The following IL1RAPL1 variants were observed in gnomAD, a reference collection of about 807,000 sequenced individuals.
The protein encoded by IL1RAPL1 is interleukin-1 receptor accessory protein-like 1.
In IL1RAPL1, 3 loss-of-function variants were observed where a neutral mutation model predicts 48.4. That is an observed-to-expected ratio of 0.06 (90% CI 0.03 to 0.16). The LOEUF is 0.16. IL1RAPL1 is among the 10% of genes least tolerant of loss of function. The pLI is 1.00. For missense variants in IL1RAPL1, 349 were observed against 530.6 expected (o/e 0.66, Z 3.36); for synonymous variants, 185 against 187.7 (o/e 0.99, Z 0.12).
chrX:29,321,788 C>T (rs764781404), intron 3 of IL1RAPL1, among the ~76,000 whole-genome samples: 13 of 111,181 alleles, frequency 1.2e-4, no homozygotes, highest in African/African-American at 1.6e-4. Context: ...ATTTTAGGGA[C>T]GCTTGCAGAA....
intron 1 of IL1RAPL1, among the ~76,000 whole-genome samples, chrX:28,682,314 G>GT (rs1935070042): frequency 9.2e-6 from 1 of 108,850 alleles, no homozygotes; most frequent in Non-Finnish European, 1.9e-5. Context: ...TTGTTTTTTT[G>GT]TTTTTTGTTT....
chrX:29,453,116 G>C (rs1602241994), intron 5 of IL1RAPL1, among the ~76,000 whole-genome samples: 1 of 108,159 alleles, frequency 9.2e-6, no homozygotes, highest in East Asian at 2.9e-4. Context: ...GTAGAGACAG[G>C]GTTTCACCAT....
chrX:29,247,439 T>TA (rs779667459), intron 2 of IL1RAPL1, among the ~76,000 whole-genome samples: 207 of 102,000 alleles, frequency 2.0e-3, no homozygotes, highest in Middle Eastern at 5.0e-3. Flanking sequence ...GACAGAGAAA[T>TA]AAAAAAAAAA....
rs766281719 is a variant in IL1RAPL1 at position 28,890,713 on chromosome X, A to C, written c.82+101288A>C. Among the ~76,000 whole-genome samples, 3 of 111,937 alleles carry C rather than the reference A, an allele frequency of 2.7e-5. No individual in the cohort carries two copies. The South Asian group carries it at 1.1e-3, about 41-fold the overall frequency. ...ACAGAACCATTTTAGTTATTTTATA[A>C]TAAAGTCCCTCATAGGAGATATTAG... On this transcript the variant is annotated intron_variant, in intron 2 of 10. Coordinates refer to ENST00000378993, the MANE Select transcript of IL1RAPL1 (RefSeq NM_014271.4).
chrX:28,953,666 T>C (rs1183114187), intron 2 of IL1RAPL1, among the ~76,000 whole-genome samples: 1 of 111,337 alleles, frequency 9.0e-6, no homozygotes, highest in Admixed American at 9.6e-5. Flanking sequence ...GTCTAAACTT[T>C]TTAGTACTCA....
chrX:28,851,583 A>C (rs1921664273), intron 2 of IL1RAPL1, among the ~76,000 whole-genome samples: 2 of 111,881 alleles, frequency 1.8e-5, no homozygotes, highest in South Asian at 7.5e-4. Flanking sequence ...AATCTGGAGA[A>C]TCTCTGAGCA....
chrX:29,710,120 ACTT>A (rs1927299252), intron 6 of IL1RAPL1, among the ~76,000 whole-genome samples: 1 of 111,260 alleles, frequency 9.0e-6, no homozygotes, highest in South Asian at 3.7e-4. Flanking sequence ...AGACTATTTC[ACTT>A]CTTCTGTTCT....
chrX:28,786,766 A>G (rs1349065580), intron 1 of IL1RAPL1, among the ~76,000 whole-genome samples: 1 of 112,035 alleles, frequency 8.9e-6, no homozygotes, highest in African/African-American at 3.2e-5. Context: ...TTTCAGGTCC[A>G]TTTATCCAGA....
chrX:28,626,659 C>T (rs1450271203), intron 1 of IL1RAPL1, among the ~76,000 whole-genome samples: 1 of 112,352 alleles, frequency 8.9e-6, no homozygotes, highest in Non-Finnish European at 1.9e-5. Context: ...TACTTTCCCC[C>T]TTGGGAAGGA....
At chrX:29,013,988 A>T (rs1332762341) in intron 2 of IL1RAPL1, among the ~76,000 whole-genome samples, 1 of 111,989 alleles carries the variant, frequency 8.9e-6, no homozygotes, top group Non-Finnish European at 1.9e-5. Context: ...AAAGAACAAT[A>T]ACAGCTGCTT....
chrX:29,628,396 G>A (rs925738647), intron 5 of IL1RAPL1, among the ~76,000 whole-genome samples: 2 of 111,802 alleles, frequency 1.8e-5, no homozygotes, highest in Non-Finnish European at 3.8e-5. Flanking sequence ...ATAACTGCTG[G>A]TATTATTGAT....
intron 3 of IL1RAPL1, among the ~76,000 whole-genome samples, chrX:29,375,314 G>A (rs1350155772): frequency 5.6e-5 from 6 of 108,107 alleles, no homozygotes; most frequent in East Asian, 2.9e-4. Flanking sequence ...GGCACCCGCC[G>A]CCATGCCTGG....
intron 2 of IL1RAPL1, among the ~76,000 whole-genome samples, chrX:29,110,615 G>C (rs1183337415): frequency 3.6e-5 from 4 of 111,782 alleles, no homozygotes; most frequent in Non-Finnish European, 5.6e-5. Context: ...TGCGAAAATT[G>C]TAATGCTGAG....
chrX:28,820,211 G>C (rs917255583), intron 2 of IL1RAPL1, among the ~76,000 whole-genome samples: 1 of 107,511 alleles, frequency 9.3e-6, no homozygotes, highest in Non-Finnish European at 1.9e-5. Context: ...TTGTTCAAAT[G>C]GATACTTTAC....
intron 3 of IL1RAPL1, among the ~76,000 whole-genome samples, chrX:29,321,164 A>G (rs960328733): frequency 2.7e-5 from 3 of 112,031 alleles, no homozygotes; most frequent in African/African-American, 9.7e-5. Context: ...TAAGTGATGA[A>G]AGACCAAGAT....
At chrX:28,945,236 C>A (rs1191056794) in intron 2 of IL1RAPL1, among the ~76,000 whole-genome samples, 1 of 111,273 alleles carries the variant, frequency 9.0e-6, no homozygotes, top group African/African-American at 3.3e-5. Context: ...TTTGACCCAG[C>A]AATCCCATTA....
intron 2 of IL1RAPL1, among the ~76,000 whole-genome samples, chrX:29,255,666 C>T (rs779186442): frequency 1.3e-4 from 14 of 111,105 alleles, no homozygotes; most frequent in South Asian, 3.8e-4. Flanking sequence ...TGTATTCATG[C>T]GTACCCAGTG....
chrX:29,598,576 A>G (rs1471846277), intron 5 of IL1RAPL1, among the ~76,000 whole-genome samples: 1 of 111,189 alleles, frequency 9.0e-6, no homozygotes, highest in Non-Finnish European at 1.9e-5. Context: ...TCCATTTTTT[A>G]TTTGGTGACT....
chrX:29,297,040 T>C (rs1932459848), intron 3 of IL1RAPL1, among the ~76,000 whole-genome samples: 2 of 111,891 alleles, frequency 1.8e-5, no homozygotes, highest in South Asian at 3.7e-4. Context: ...CTCACAATTA[T>C]AGATCTGGAT....
Sources: allele counts gnomAD v4.1 joint callset (sites outside exome capture counted in the v4.1 genomes callset), GRCh38; gene constraint gnomAD v4.1.1; transcripts MANE v1.5; gene names NCBI Gene and HGNC (gene_info 2026-07-23, HGNC 2026-07-21).